Variants in LDB2 observed in about 807,000 individuals in gnomAD.
The protein encoded by LDB2 is LIM domain-binding protein 2.
A neutral mutation model predicts 44.3 loss-of-function variants in LDB2; 12 were observed. The ratio of observed to expected loss-of-function variants is 0.27; its 90% CI spans 0.17 to 0.44. LDB2 has a LOEUF of 0.44. Ranked by LOEUF, LDB2 falls within the 20% of genes least tolerant of loss-of-function variation. The pLI, the probability that LDB2 is intolerant of heterozygous loss-of-function variation, is 1.00. For synonymous variants in LDB2, 164 were observed against 174.8 expected (o/e 0.94, Z 0.49); for missense variants, 344 against 473.5 (o/e 0.73, Z 2.54).
At chr4:16,576,831 C>T (rs1391784611) in intron 5 of LDB2, among the ~76,000 whole-genome samples, 1 of 152,102 alleles carries the variant, frequency 6.6e-6, no homozygotes, top group Non-Finnish European at 1.5e-5. Context: ...CAAAAATCCT[C>T]AATAAAATAC....
intron 5 of LDB2, among the ~76,000 whole-genome samples, chr4:16,529,615 C>T (rs1369957266): frequency 3.3e-5 from 5 of 152,190 alleles, no homozygotes; most frequent in Admixed American, 1.3e-4. Context: ...CTCCACCTAT[C>T]TGCATTTAAT....
At chr4:16,599,190 T>G (rs1020362351) in intron 2 of LDB2, among the ~76,000 whole-genome samples, 3 of 152,092 alleles carry the variant, frequency 2.0e-5, no homozygotes, top group African/African-American at 7.2e-5. Context: ...GTCCCGACAA[T>G]CAGACATAGG....
At chr4:16,860,823 C>A (rs1311826036) in intron 1 of LDB2, among the ~76,000 whole-genome samples, 2 of 152,188 alleles carry the variant, frequency 1.3e-5, no homozygotes, top group Non-Finnish European at 2.9e-5. Flanking sequence ...TCCAGCAATA[C>A]TGTGACCTTG....
chr4:16,599,967 G>A (rs528291119), intron 2 of LDB2, among the ~76,000 whole-genome samples: 60 of 152,172 alleles, frequency 3.9e-4, no homozygotes, highest in Middle Eastern at 3.4e-3. Context: ...TGATGTGATC[G>A]CTGATAAAGC....
chr4:16,588,847 C>T lies in LDB2; in HGVS notation c.409-15G>A, dbSNP rs1039760026. 1 of 1,611,968 alleles carries T rather than the reference C, an allele frequency of 6.2e-7. No individual in the cohort carries two copies. The highest frequency in any genetic ancestry group is 8.5e-7 in the Non-Finnish European group (1 of 1,179,320). ...TCTGTACATACCTGGAAGTGACAAACCACACAGTCATTCATTACGCACTTT... is the reference window on the plus strand; with the variant it reads ...TCTGTACATACCTGGAAGTGACAAATCACACAGTCATTCATTACGCACTTT... On this transcript the variant is annotated splice_polypyrimidine_tract_variant and intron_variant, in intron 3 of 7. Coordinates refer to ENST00000304523, the MANE Select transcript of LDB2 (RefSeq NM_001290.5).
chr4:16,603,234 G>A (rs16893678), intron 2 of LDB2, among the ~76,000 whole-genome samples: 18,634 of 152,218 alleles, frequency 0.12, 1,471 homozygotes, highest in East Asian at 0.25. Flanking sequence ...CACCCTGTAA[G>A]TATGAAATTG....
At chr4:16,748,775 G>A (rs950086362) in intron 2 of LDB2, among the ~76,000 whole-genome samples, 10 of 152,096 alleles carry the variant, frequency 6.6e-5, no homozygotes, top group Admixed American at 2.0e-4. Context: ...AATGCTTTAC[G>A]TTTAAAAAAT....
chr4:16,570,949 G>A (rs1031757395), intron 5 of LDB2, among the ~76,000 whole-genome samples: 4 of 152,184 alleles, frequency 2.6e-5, no homozygotes, highest in Non-Finnish European at 5.9e-5. Context: ...CACAGAAATG[G>A]TAGGCAACTG....
chr4:16,780,414 A>G (rs115496076), intron 1 of LDB2, among the ~76,000 whole-genome samples: 2,474 of 152,020 alleles, frequency 0.016, 72 homozygotes, highest in African/African-American at 0.057. Context: ...GTACTGATGG[A>G]GTTTCACCAT....
intron 2 of LDB2, among the ~76,000 whole-genome samples, chr4:16,648,070 C>T (rs1190652540): frequency 6.6e-6 from 1 of 152,196 alleles, no homozygotes; most frequent in Non-Finnish European, 1.5e-5. Flanking sequence ...ATCCCAAACA[C>T]ATCACATAGC....
At chr4:16,639,273 G>A (rs1446435793) in intron 2 of LDB2, among the ~76,000 whole-genome samples, 2 of 152,316 alleles carry the variant, frequency 1.3e-5, no homozygotes, top group East Asian at 1.9e-4. Flanking sequence ...AGGTTAAAAA[G>A]CTAATTGTGC....
In LDB2 at chr4:16,702,210, A is replaced by T. The variant is rs137978152; in HGVS notation, c.235+56948T>A. 9.2e-3 allele frequency among the ~76,000 whole-genome samples: 1,409 copies of T among 152,358 alleles called. 27 individuals carry two copies. Among genetic ancestry groups the T allele is most frequent in the African/African-American group, 0.032 (1,312 of 41,578 alleles). On this transcript the variant is annotated intron_variant, in intron 2 of 7. Transcript: ENST00000304523. Reference sequence around the variant, plus strand: ...TGCTGGAAAGAGATCAGAAGGAAAAAACATCTGAAATATCCAATGCTTTGA... The same window carrying T: ...TGCTGGAAAGAGATCAGAAGGAAAATACATCTGAAATATCCAATGCTTTGA...
intron 5 of LDB2, among the ~76,000 whole-genome samples, chr4:16,564,764 C>A (rs947168146): frequency 6.6e-6 from 1 of 152,112 alleles, no homozygotes; most frequent in Admixed American, 6.5e-5. Flanking sequence ...GCCCCAGGCC[C>A]AGATGGTTTC....
intron 2 of LDB2, among the ~76,000 whole-genome samples, chr4:16,677,647 T>C (rs2152564712): frequency 6.6e-6 from 1 of 152,316 alleles, no homozygotes; most frequent in Admixed American, 6.5e-5. Flanking sequence ...CCAGAACATA[T>C]ATTGTTTTTA....
In LDB2 at chr4:16,533,185, G is replaced by C. The variant is rs985540384; in HGVS notation, c.616-21081C>G. Among the ~76,000 whole-genome samples, 3 of 152,136 alleles carry C rather than the reference G, an allele frequency of 2.0e-5. No homozygotes were observed. The highest frequency in any genetic ancestry group is 2.9e-5 in the Non-Finnish European group (2 of 68,012). On this transcript the variant is annotated intron_variant, in intron 5 of 7. Transcript: ENST00000304523. The surrounding 1 kb of genome is among the most constrained non-coding windows in gnomAD (Gnocchi z 4.1). ...ACTGGCCTGAGCCTGAAGGAAACTA[G>C]GAAGGGACTTGGCTTTAGAGACAGA...
intron 2 of LDB2, among the ~76,000 whole-genome samples, chr4:16,610,707 G>A (rs1725371903): frequency 6.6e-6 from 1 of 151,994 alleles, no homozygotes; most frequent in Admixed American, 6.6e-5. Flanking sequence ...AAGAAATACG[G>A]GACTTCATAA....
intron 2 of LDB2, among the ~76,000 whole-genome samples, chr4:16,748,581 T>C (rs1020079743): frequency 1.3e-5 from 2 of 152,188 alleles, no homozygotes. Flanking sequence ...TTATTTTACC[T>C]CATCTACATA....
At chr4:16,779,208 G>A (rs915602171) in intron 1 of LDB2, among the ~76,000 whole-genome samples, 12 of 152,174 alleles carry the variant, frequency 7.9e-5, no homozygotes, top group South Asian at 2.1e-4. Context: ...CTGGCAGGAC[G>A]CCTCACCGCT....
At chr4:16,735,765 A>G (rs1364892148) in intron 2 of LDB2, among the ~76,000 whole-genome samples, 1 of 152,198 alleles carries the variant, frequency 6.6e-6, no homozygotes. Context: ...TATGAAAGCT[A>G]TACCTTCAGA....
Sources: gnomAD v4.1 joint callset for allele counts (sites outside exome capture counted in the v4.1 genomes callset) on GRCh38, gnomAD v4.1.1 for gene constraint, Gnocchi (gnomAD v3.1) non-coding constraint, MANE v1.5 for transcripts, NCBI Gene and HGNC (gene_info 2026-07-23, HGNC 2026-07-21) for gene names.